The following CDH12 variants were observed in gnomAD, a reference collection of about 807,000 sequenced individuals.
The protein encoded by CDH12 is cadherin-12.
Under a neutral mutation model 74.1 loss-of-function variants are expected in CDH12, and 41 were observed. The observed-to-expected ratio is 0.55, with a 90% CI of 0.43 to 0.72. The LOEUF is 0.72. CDH12 is among the 30% of genes least tolerant of loss of function. CDH12 has a pLI of 0.00. For synonymous variants in CDH12, 399 were observed against 355.0 expected, an observed-to-expected ratio of 1.12 and a Z score of -1.39; for missense variants, 945 against 977.2, an observed-to-expected ratio of 0.97 and a Z score of 0.44.
intron 1 of CDH12, among the ~76,000 whole-genome samples, chr5:22,818,041 A>G (rs1462470957): frequency 6.6e-6 from 1 of 152,154 alleles, no homozygotes; most frequent in African/African-American, 2.4e-5. Flanking sequence ...AGAATATAAA[A>G]ATCAAACTGC....
intron 3 of CDH12, among the ~76,000 whole-genome samples, chr5:22,236,728 GGAGT>G (rs1431502434): frequency 6.6e-6 from 1 of 152,068 alleles, no homozygotes; most frequent in African/African-American, 2.4e-5. Context: ...TCTGGGCTAT[GGAGT>G]GAGACTCTGT....
At chr5:22,820,776 T>C (rs1232491532) in intron 1 of CDH12, among the ~76,000 whole-genome samples, 12 of 152,142 alleles carry the variant, frequency 7.9e-5, no homozygotes, top group Admixed American at 5.9e-4. Context: ...CAGAACCAGA[T>C]GAATTCACAG....
intron 1 of CDH12, among the ~76,000 whole-genome samples, chr5:22,745,697 A>G (rs765312752): frequency 1.4e-4 from 21 of 152,250 alleles, no homozygotes; most frequent in Non-Finnish European, 8.8e-5. Context: ...TGCTCTCACA[A>G]TTGGGAGCTA....
chr5:22,159,916 CGTGT>C (rs1748229606), intron 4 of CDH12, among the ~76,000 whole-genome samples: 1 of 151,946 alleles, frequency 6.6e-6, no homozygotes, highest in African/African-American at 2.4e-5. Context: ...TGTCTGTGTG[CGTGT>C]GTGCGTGCAT....
chr5:22,632,155 C>A (rs1182127066), intron 1 of CDH12, among the ~76,000 whole-genome samples: 1 of 151,948 alleles, frequency 6.6e-6, no homozygotes, highest in African/African-American at 2.4e-5. Flanking sequence ...ACACCAAACC[C>A]CCATGGCACA....
At chr5:22,001,240 ATC>A (rs1427423549) in intron 5 of CDH12, among the ~76,000 whole-genome samples, 1 of 152,068 alleles carries the variant, frequency 6.6e-6, no homozygotes, top group Admixed American at 6.6e-5. Flanking sequence ...GCCTTTTGGG[ATC>A]TGATTGCAAA....
At chr5:22,386,845 A>G (rs917578948) in intron 3 of CDH12, among the ~76,000 whole-genome samples, 1 of 151,958 alleles carries the variant, frequency 6.6e-6, no homozygotes, top group Non-Finnish European at 1.5e-5. Context: ...GGTTAATTTA[A>G]AAGTTTAATA....
chr5:22,228,672 C>T (rs1422249900), intron 3 of CDH12, among the ~76,000 whole-genome samples: 2 of 152,060 alleles, frequency 1.3e-5, no homozygotes, highest in African/African-American at 4.8e-5. Flanking sequence ...CTGTTCTGCT[C>T]TCATTAATGA....
At chr5:22,713,120 C>A (rs1045485990) in intron 1 of CDH12, among the ~76,000 whole-genome samples, 1 of 133,694 alleles carries the variant, frequency 7.5e-6, no homozygotes, top group African/African-American at 2.7e-5. Flanking sequence ...TCCATATGAT[C>A]TTATGCTAAT....
At chr5:22,677,777 T>C (rs557108902) in intron 1 of CDH12, among the ~76,000 whole-genome samples, 1 of 152,108 alleles carries the variant, frequency 6.6e-6, no homozygotes, top group Non-Finnish European at 1.5e-5. Flanking sequence ...TTTGTCTTAG[T>C]TTGGGATGCC....
At chr5:22,269,373 T>A (rs1289040374) in intron 3 of CDH12, among the ~76,000 whole-genome samples, 1 of 152,158 alleles carries the variant, frequency 6.6e-6, no homozygotes, top group Non-Finnish European at 1.5e-5. Context: ...TTCACGTTTT[T>A]ATGCTATGAA....
intron 2 of CDH12, among the ~76,000 whole-genome samples, chr5:22,480,574 C>A (rs1241317933): frequency 2.6e-5 from 3 of 116,380 alleles, no homozygotes; most frequent in African/African-American, 1.0e-4. Flanking sequence ...AACAGTGAAG[C>A]CCTATCTCAA....
At chr5:22,730,693 G>C (rs1744389032) in intron 1 of CDH12, among the ~76,000 whole-genome samples, 1 of 151,728 alleles carries the variant, frequency 6.6e-6, no homozygotes, top group South Asian at 2.1e-4. Flanking sequence ...GAACTCTCAA[G>C]TTTTAACAAT....
At chr5:22,412,749 C>T (rs1743215994) in intron 2 of CDH12, among the ~76,000 whole-genome samples, 1 of 151,884 alleles carries the variant, frequency 6.6e-6, no homozygotes, top group Non-Finnish European at 1.5e-5. Context: ...AACAAGCATC[C>T]ATGTTTCAAT....
chr5:22,443,322 A>G (rs1744696801), intron 2 of CDH12, among the ~76,000 whole-genome samples: 1 of 152,150 alleles, frequency 6.6e-6, no homozygotes, highest in East Asian at 1.9e-4. Flanking sequence ...CAGCTTTAGT[A>G]ATTGGTAGCT....
chr5:22,498,655 A>G lies in CDH12; in HGVS notation c.-428+6615T>C, dbSNP rs144919988. 9.0e-4 allele frequency among the ~76,000 whole-genome samples: 137 copies of G among 152,078 alleles called. 2 individuals carry two copies. The highest frequency in any genetic ancestry group is 3.2e-3 in the African/African-American group (131 of 41,506). ...AATGCCAAAAATATACATATGATAT[A>G]TAATATTATTTCTCAAATCTAGTCT... On this transcript the variant is annotated intron_variant, in intron 2 of 14. Transcript: ENST00000382254.
At chr5:22,510,938 A>G (rs1736580353) in intron 1 of CDH12, among the ~76,000 whole-genome samples, 1 of 150,762 alleles carries the variant, frequency 6.6e-6, no homozygotes, top group Non-Finnish European at 1.5e-5. Flanking sequence ...CTTGTCGCCT[A>G]GACTGGAGTG....
chr5:21,758,926 A>G (rs1390219289), intron 13 of CDH12, among the ~76,000 whole-genome samples: 1 of 152,180 alleles, frequency 6.6e-6, no homozygotes, highest in Non-Finnish European at 1.5e-5. Flanking sequence ...TTGGGAACAC[A>G]GAACACAAAG....
chr5:22,049,804 T>C (rs1273040290), intron 5 of CDH12, among the ~76,000 whole-genome samples: 2 of 152,068 alleles, frequency 1.3e-5, no homozygotes, highest in African/African-American at 4.8e-5. Flanking sequence ...AGAGACTTCA[T>C]ATTTTTAAAC....
Sources: allele counts gnomAD v4.1 joint callset (sites outside exome capture counted in the v4.1 genomes callset), GRCh38; gene constraint gnomAD v4.1.1; transcripts MANE v1.5; gene names NCBI Gene and HGNC (gene_info 2026-07-23, HGNC 2026-07-21).